The following STPG2 variants were observed in gnomAD, a reference collection of about 807,000 sequenced individuals.
The protein encoded by STPG2 is sperm-tail PG-rich repeat-containing protein 2.
In STPG2, 56 loss-of-function variants were observed where a neutral mutation model predicts 54.2. The observed-to-expected ratio is 1.03, with a 90% CI of 0.83 to 1.29. STPG2 has a LOEUF of 1.29. STPG2 is among the 50% of genes most tolerant of loss of function. The pLI is 0.00. For missense variants in STPG2, 596 were observed against 544.9 expected (o/e 1.09, Z -0.93); for synonymous variants, 200 against 181.8 (o/e 1.10, Z -0.81).
intron 4 of STPG2, among the ~76,000 whole-genome samples, chr4:97,550,726 A>T (rs1474508842): frequency 6.6e-6 from 1 of 152,024 alleles, no homozygotes; most frequent in Non-Finnish European, 1.5e-5. Flanking sequence ...GTTCCTTCAG[A>T]TGTTCAGATG....
At chr4:97,789,344 A>G (rs1726922262) in intron 9 of STPG2, among the ~76,000 whole-genome samples, 1 of 152,096 alleles carries the variant, frequency 6.6e-6, no homozygotes, top group Non-Finnish European at 1.5e-5. Context: ...TGAAGGAGAA[A>G]TTATAACTAA....
chr4:97,821,661 C>T lies in STPG2; in HGVS notation c.1204+19112G>A, dbSNP rs532031202. 9.8e-5 allele frequency among the ~76,000 whole-genome samples: 15 copies of T among 152,372 alleles called. No homozygotes were observed. In the Middle Eastern group the frequency reaches 0.014, roughly 138 times the overall value. On this transcript the variant is annotated intron_variant, in intron 9 of 10. Transcript: ENST00000295268. ...TCATATATCCTCTGAAATCTAAGCACAGGCCGCCAAGCCTCCCTCACTCTT... is the reference window on the plus strand; with the variant it reads ...TCATATATCCTCTGAAATCTAAGCATAGGCCGCCAAGCCTCCCTCACTCTT...
intron 5 of STPG2, among the ~76,000 whole-genome samples, chr4:98,014,431 G>T (rs1197742197): frequency 1.3e-5 from 2 of 152,118 alleles, no homozygotes; most frequent in African/African-American, 4.8e-5. Flanking sequence ...TGCCTAGTCA[G>T]TCCTGATGAC....
intron 3 of STPG2, 95 bp downstream of exon 3, chr4:98,128,333 T>C: frequency 8.5e-7 from 1 of 1,182,568 alleles, no homozygotes; most frequent in Non-Finnish European, 1.1e-6. Flanking sequence ...CGTGTAATCA[T>C]TTTTTTCTTG....
chr4:97,834,877 T>C (rs1728585328), intron 9 of STPG2, among the ~76,000 whole-genome samples: 1 of 152,066 alleles, frequency 6.6e-6, no homozygotes, highest in Non-Finnish European at 1.5e-5. Flanking sequence ...GACCCAATAG[T>C]TAGGCAGCAA....
intron 4 of STPG2, among the ~76,000 whole-genome samples, chr4:97,480,532 T>C (rs1246828770): frequency 6.6e-6 from 1 of 151,626 alleles, no homozygotes; most frequent in Admixed American, 6.6e-5. Context: ...TCTAGTTTTC[T>C]TTAATTATAA....
At chr4:97,636,998 C>T (rs1248921283) in intron 10 of STPG2, among the ~76,000 whole-genome samples, 1 of 130,668 alleles carries the variant, frequency 7.7e-6, no homozygotes, top group East Asian at 2.2e-4. Flanking sequence ...TTTATGAGGC[C>T]AGCATCATCC....
chr4:97,735,043 A>G (rs1369995995), intron 9 of STPG2, among the ~76,000 whole-genome samples: 1 of 149,912 alleles, frequency 6.7e-6, no homozygotes, highest in African/African-American at 2.5e-5. Context: ...ACTGCACTAC[A>G]GCCTGGGCAA....
chr4:98,130,736 C>T (rs1739963340), intron 2 of STPG2, among the ~76,000 whole-genome samples: 3 of 151,752 alleles, frequency 2.0e-5, no homozygotes, highest in Admixed American at 1.3e-4. Context: ...TCCTGGCTAA[C>T]ACGGTGAAAC....
intron 8 of STPG2, among the ~76,000 whole-genome samples, chr4:97,878,312 A>G (rs10013627): frequency 1 from 151,606 of 152,320 alleles, 75,450 homozygotes; most frequent in East Asian, 1. Flanking sequence ...TCCCAATAGG[A>G]ACTGTGTGCG....
At chr4:97,939,545 A>G (rs1330228635) in intron 8 of STPG2, among the ~76,000 whole-genome samples, 1 of 152,170 alleles carries the variant, frequency 6.6e-6, no homozygotes, top group Admixed American at 6.5e-5. Flanking sequence ...AACCTTTACC[A>G]TTATGTAATG....
intron 10 of STPG2, among the ~76,000 whole-genome samples, chr4:97,631,784 T>A (rs1316364331): frequency 6.6e-6 from 1 of 152,114 alleles, no homozygotes; most frequent in East Asian, 1.9e-4. Flanking sequence ...CAGAATAAGA[T>A]AAATGGAGCT....
intron 4 of STPG2, among the ~76,000 whole-genome samples, chr4:97,505,533 G>A (rs1034076062): frequency 1.3e-5 from 2 of 151,898 alleles, no homozygotes; most frequent in African/African-American, 4.8e-5. Flanking sequence ...TTGGATGCAT[G>A]CTGGAGAATG....
intron 4 of STPG2, among the ~76,000 whole-genome samples, chr4:97,501,609 T>G (rs1334702241): frequency 6.6e-6 from 1 of 151,656 alleles, no homozygotes; most frequent in East Asian, 1.9e-4. Flanking sequence ...GCAGGAGGAT[T>G]GCTTGAGCCC....
chr4:97,442,991 C>A (rs544304929), intron 4 of STPG2, among the ~76,000 whole-genome samples: 1 of 152,186 alleles, frequency 6.6e-6, no homozygotes, highest in East Asian at 1.9e-4. Context: ...AGGAGCTTGA[C>A]AAACTGGTAA....
chr4:97,524,963 A>G (rs1026258683), intron 4 of STPG2, among the ~76,000 whole-genome samples: 1 of 151,990 alleles, frequency 6.6e-6, no homozygotes, highest in African/African-American at 2.4e-5. Flanking sequence ...GGACCTGAAC[A>G]TTATTTAAAG....
At chr4:97,810,435 G>A (rs1451957578) in intron 9 of STPG2, among the ~76,000 whole-genome samples, 1 of 146,990 alleles carries the variant, frequency 6.8e-6, no homozygotes, top group African/African-American at 2.5e-5. Context: ...CTGCACTTCA[G>A]CCTGGCAACA....
intron 9 of STPG2, among the ~76,000 whole-genome samples, chr4:97,722,598 A>T (rs571556393): frequency 3.0e-4 from 45 of 152,260 alleles, no homozygotes; most frequent in African/African-American, 9.9e-4. Flanking sequence ...TTCTGAATAT[A>T]AAAATGAATA....
intron 9 of STPG2, among the ~76,000 whole-genome samples, chr4:97,818,455 C>A (rs1727982653): frequency 6.6e-6 from 1 of 151,544 alleles, no homozygotes; most frequent in Non-Finnish European, 1.5e-5. Flanking sequence ...TATGGTCTCT[C>A]TCTCTCTCTC....
Sources: allele counts gnomAD v4.1 joint callset (sites outside exome capture counted in the v4.1 genomes callset), GRCh38; gene constraint gnomAD v4.1.1; transcripts MANE v1.5; gene names NCBI Gene and HGNC (gene_info 2026-07-23, HGNC 2026-07-21).